The following ARL13B variants were observed in gnomAD, a reference collection of about 807,000 sequenced individuals.
The protein encoded by ARL13B is ADP-ribosylation factor-like protein 13B.
Under a neutral mutation model 56.1 loss-of-function variants are expected in ARL13B, and 36 were observed. The observed-to-expected ratio is 0.64, with a 90% CI of 0.49 to 0.85. The LOEUF is 0.85. Among genes scored for constraint, ARL13B ranks in the 40% least tolerant of loss-of-function variants. The probability of loss-of-function intolerance (pLI) is 0.00; values close to 1 mark genes in which losing one functional copy is unlikely to be tolerated. For synonymous variants in ARL13B, 178 were observed against 171.1 expected (o/e 1.04, Z -0.32); for missense variants, 519 against 507.1 (o/e 1.02, Z -0.23).
intron 6 of ARL13B, among the ~76,000 whole-genome samples, chr3:94,041,620 C>T (rs558118674): frequency 2.0e-4 from 31 of 152,114 alleles, no homozygotes; most frequent in Middle Eastern, 3.2e-3. Flanking sequence ...GAAGTAAACT[C>T]TAGTGAGAAA....
chr3:94,003,954 G>C (rs142483720), intron 3 of ARL13B, 46 bp downstream of exon 3: 2 of 1,610,252 alleles, frequency 1.2e-6, no homozygotes, highest in Non-Finnish European at 1.7e-6. Flanking sequence ...GATGGCATTG[G>C]CCACTAAAGA....
chr3:94,043,753 G>T (rs529449435), intron 7 of ARL13B, among the ~76,000 whole-genome samples: 1 of 132,904 alleles, frequency 7.5e-6, no homozygotes, highest in East Asian at 2.3e-4. Flanking sequence ...CCTGCCTCGG[G>T]CTCCTGTGAT....
At chr3:94,040,050 AG>A (rs1228912103) in intron 6 of ARL13B, 62 bp downstream of exon 6, 1 of 1,464,392 alleles carries the variant, frequency 6.8e-7, no homozygotes, top group Non-Finnish European at 9.5e-7. Context: ...TTGGAAAAGA[AG>A]GTGGAAAGTT....
At chr3:93,991,768 G>A (rs1378699396) in intron 1 of ARL13B, among the ~76,000 whole-genome samples, 3 of 152,208 alleles carry the variant, frequency 2.0e-5, no homozygotes, top group Non-Finnish European at 2.9e-5. Context: ...TTAGGTGAAT[G>A]TTAACCTTTT....
At chr3:94,025,264 TC>T (rs2076531498) in intron 3 of ARL13B, among the ~76,000 whole-genome samples, 1 of 151,488 alleles carries the variant, frequency 6.6e-6, no homozygotes, top group Non-Finnish European at 1.5e-5. Flanking sequence ...AAACAAAATA[TC>T]CTTTTTTTAA....
At position 94,036,532 on chromosome 3, in the gene ARL13B, C is replaced by A; in HGVS notation, c.487-20C>A. The stretch of plus-strand genomic sequence containing the variant: ...TGTGGAGACCTTTTAATCTTTTAGT[C>A]AAATAAATTTCTGTTTTAGGAACCA... On this transcript the variant is annotated intron_variant, in intron 4 of 9. Coordinates refer to ENST00000394222, the MANE Select transcript of ARL13B (RefSeq NM_001174150.2). 6.2e-7 allele frequency: 1 copy of A among 1,611,280 alleles called. No individual in the cohort carries two copies. Among genetic ancestry groups the A allele is most frequent in the South Asian group, 1.1e-5 (1 of 90,904 alleles).
chr3:94,015,428 G>GT, intron 3 of ARL13B: 2 of 520,958 alleles, frequency 3.8e-6, no homozygotes, highest in South Asian at 4.8e-5. Context: ...AAACCAATGA[G>GT]TTTCCTCATA....
At chr3:94,009,629 T>G (rs1365634619) in intron 3 of ARL13B, among the ~76,000 whole-genome samples, 1 of 152,006 alleles carries the variant, frequency 6.6e-6, no homozygotes, top group Non-Finnish European at 1.5e-5. Context: ...TTAGATAGAG[T>G]GGTGAGTCCC....
At chr3:94,004,123 C>A (rs2107437883) in intron 3 of ARL13B, among the ~76,000 whole-genome samples, 1 of 152,202 alleles carries the variant, frequency 6.6e-6, no homozygotes, top group Admixed American at 6.5e-5. Context: ...AAAAGTGGAT[C>A]TCTTCGATAT....
chr3:94,027,993 A>G (rs1296089189), intron 3 of ARL13B, among the ~76,000 whole-genome samples: 1 of 152,152 alleles, frequency 6.6e-6, no homozygotes, highest in African/African-American at 2.4e-5. Context: ...TTCAGAGTGA[A>G]ATATAAAAAT....
intron 3 of ARL13B, among the ~76,000 whole-genome samples, chr3:94,031,503 G>A (rs930891087): frequency 1.3e-5 from 2 of 152,038 alleles, no homozygotes; most frequent in Admixed American, 6.6e-5. Context: ...AAAGACTGTT[G>A]GAGTTGTACC....
chr3:94,048,801 G>T (rs551286136), intron 7 of ARL13B, among the ~76,000 whole-genome samples: 4 of 151,538 alleles, frequency 2.6e-5, no homozygotes, highest in Non-Finnish European at 4.4e-5. Flanking sequence ...TCCTTATGTT[G>T]CCCAGACCAT....
Position 93,987,846 on chromosome 3 carries a change from A to C in ARL13B, c.59+7364A>C, listed in dbSNP as rs147426539. Among the ~76,000 whole-genome samples, 60 of 151,982 alleles carry C rather than the reference A, an allele frequency of 3.9e-4. No individual in the cohort carries two copies. The East Asian group carries it at 0.011, about 28-fold the overall frequency. On this transcript the variant is annotated intron_variant, in intron 1 of 9. Coordinates refer to ENST00000394222, the MANE Select transcript of ARL13B (RefSeq NM_001174150.2). Reference sequence around the variant, plus strand: ...TAATTTGTAGAGACAAGGTCTCACCATGTTGACCAGGCATGTCTCAATCTC... The same window carrying C: ...TAATTTGTAGAGACAAGGTCTCACCCTGTTGACCAGGCATGTCTCAATCTC...
chr3:94,022,372 C>T (rs1481988535), intron 3 of ARL13B, among the ~76,000 whole-genome samples: 4 of 152,018 alleles, frequency 2.6e-5, no homozygotes, highest in African/African-American at 4.8e-5. Context: ...GTGATCCACC[C>T]GCCTCAGCCT....
Position 94,049,439 on chromosome 3 carries a change from T to A in ARL13B, c.1058T>A (p.Met353Lys). The part of the protein sequence containing the change: ...NGKKKTKKLR[M>K]KRNHRVEPLN... ...AAAAAGAAAACTAAGAAACTAAGAA[T>A]GAAAAGGAACCACCGGGTAGAACCA... is the stretch of plus-strand genomic sequence containing the variant. The change falls in exon 8 of 10, where the codon ATG becomes AAG. Residue 353 changes from methionine (M) to lysine (K), a missense_variant. Met to Lys is a moderately conservative substitution (Grantham distance 95, BLOSUM62 -1). Transcript: ENST00000394222. 2 of 1,609,378 alleles carry A rather than the reference T, an allele frequency of 1.2e-6. No individual in the cohort carries two copies. The highest frequency in any genetic ancestry group is 1.7e-6 in the Non-Finnish European group (2 of 1,178,070).
intron 3 of ARL13B, among the ~76,000 whole-genome samples, chr3:94,034,801 A>C (rs982398593): frequency 6.6e-6 from 1 of 152,116 alleles, no homozygotes; most frequent in Non-Finnish European, 1.5e-5. Context: ...TTTTCTTGAC[A>C]CTTTATTTGA....
intron 3 of ARL13B, among the ~76,000 whole-genome samples, chr3:94,008,965 A>G (rs182351099): frequency 1.5e-3 from 235 of 152,208 alleles, no homozygotes; most frequent in African/African-American, 5.6e-3. Context: ...AGACAACATG[A>G]TATCTCTGAT....
chr3:93,996,588 A>G (rs929331664), intron 2 of ARL13B: 1 of 433,204 alleles, frequency 2.3e-6, no homozygotes, highest in Non-Finnish European at 4.7e-6. Context: ...ATGTTGCCCA[A>G]GCTGGTCTGG....
chr3:93,996,348 G>A (rs2075964741), intron 2 of ARL13B, among the ~76,000 whole-genome samples: 1 of 152,052 alleles, frequency 6.6e-6, no homozygotes, highest in Admixed American at 6.5e-5. Flanking sequence ...AGCCAGCATA[G>A]TTCTCTTTGA....
Sources: gnomAD v4.1 joint callset for allele counts (sites outside exome capture counted in the v4.1 genomes callset) on GRCh38, gnomAD v4.1.1 for gene constraint, MANE v1.5 for transcripts, NCBI Gene and HGNC (gene_info 2026-07-23, HGNC 2026-07-21) for gene names.